Variants in ZSCAN25 observed in about 807,000 individuals in gnomAD.
The protein encoded by ZSCAN25 is zinc finger and SCAN domain containing 25, also known as zinc finger and SCAN domain-containing protein 25.
A neutral mutation model predicts 38.7 loss-of-function variants in ZSCAN25; 27 were observed. The observed-to-expected ratio is 0.70, with a 90% CI of 0.51 to 0.96. The LOEUF (loss-of-function observed/expected upper bound fraction) is 0.96. ZSCAN25 is among the 40% of genes least tolerant of loss of function. The pLI, the probability that ZSCAN25 is intolerant of heterozygous loss-of-function variation, is 0.00. For synonymous variants in ZSCAN25, 273 were observed against 277.7 expected, an observed-to-expected ratio of 0.98 and a Z score of 0.17; for missense variants, 637 against 705.9, an observed-to-expected ratio of 0.90 and a Z score of 1.11.
the ZSCAN25 span, among the ~76,000 whole-genome samples, chr7:99,699,687 A>G: frequency 4.3e-4 from 66 of 152,126 alleles, no homozygotes; most frequent in Non-Finnish European, 6.8e-4. Context: ...ATTGATTAGT[A>G]TAGGTCAAAT....
chr7:99,717,330 C>T, the ZSCAN25 span: 3 of 1,612,298 alleles, frequency 1.9e-6, no homozygotes, highest in African/African-American at 2.7e-5. Flanking sequence ...AAGGACATGA[C>T]TTTGCCTGGC....
chr7:99,688,903 G>C, the ZSCAN25 span, among the ~76,000 whole-genome samples: 1 of 152,208 alleles, frequency 6.6e-6, no homozygotes, highest in Non-Finnish European at 1.5e-5. Flanking sequence ...TGAACAACCT[G>C]CTCTGGAATG....
At chr7:99,627,687 GCTGTATACGTATATCTCGTA>G (rs1400627778) in intron 7 of ZSCAN25, among the ~76,000 whole-genome samples, 2 of 150,414 alleles carry the variant, frequency 1.3e-5, no homozygotes, top group African/African-American at 4.9e-5. Flanking sequence ...TCATGTATAT[GCTGTATACGTATATCTCGTA>G]TATGCTGTAT....
At chr7:99,674,475 G>C in the ZSCAN25 span, 1 of 1,397,554 alleles carries the variant, frequency 7.2e-7, no homozygotes, top group Non-Finnish European at 1.0e-6. Context: ...CTATCCTGCA[G>C]TGGGGTAACC....
At chr7:99,624,002 A>G in intron 6 of ZSCAN25, 55 bp from the exon 7 acceptor site, 1 of 1,611,874 alleles carries the variant, frequency 6.2e-7, no homozygotes. Context: ...GACATGAGCC[A>G]CTGTCTCTGG....
At chr7:99,668,474 GT>G in the ZSCAN25 span, among the ~76,000 whole-genome samples, 2 of 152,040 alleles carry the variant, frequency 1.3e-5, no homozygotes, top group Non-Finnish European at 2.9e-5. Flanking sequence ...AACATTTTGA[GT>G]TTTTTTGCAA....
chr7:99,627,683 A>T (rs73408523), intron 7 of ZSCAN25, among the ~76,000 whole-genome samples: 2 of 151,536 alleles, frequency 1.3e-5, no homozygotes, highest in Non-Finnish European at 2.9e-5. Flanking sequence ...TATATCATGT[A>T]TATGCTGTAT....
chr7:99,657,414 G>C, the ZSCAN25 span, among the ~76,000 whole-genome samples: 1 of 152,214 alleles, frequency 6.6e-6, no homozygotes, highest in African/African-American at 2.4e-5. Context: ...TCTGAATCCT[G>C]AGTTCTAGTT....
the ZSCAN25 span, chr7:99,685,151 T>C: frequency 6.2e-7 from 1 of 1,604,674 alleles, no homozygotes; most frequent in Non-Finnish European, 8.5e-7. Context: ...CAGGTTCCAC[T>C]TACGGTCCCA....
the ZSCAN25 span, chr7:99,674,668 G>A: frequency 2.1e-5 from 25 of 1,187,708 alleles, no homozygotes; most frequent in South Asian, 2.7e-5. Context: ...AAACAGTTGC[G>A]TCCAATGAAA....
chr7:99,711,779 CAAAA>C, the ZSCAN25 span, among the ~76,000 whole-genome samples: 1 of 64,170 alleles, frequency 1.6e-5, no homozygotes, highest in African/African-American at 2.8e-5. Context: ...CAAAACAAAA[CAAAA>C]CAACAACAAC....
At chr7:99,650,022 T>C in the ZSCAN25 span, 2 of 1,597,022 alleles carry the variant, frequency 1.3e-6, no homozygotes, top group Admixed American at 1.7e-5. Flanking sequence ...AAAAAATATA[T>C]ACCCTTCAGT....
At chr7:99,690,434 A>T in the ZSCAN25 span, among the ~76,000 whole-genome samples, 1 of 152,338 alleles carries the variant, frequency 6.6e-6, no homozygotes, top group Non-Finnish European at 1.5e-5. Flanking sequence ...ACAAAAGCCA[A>T]AATTGACAAA....
chr7:99,622,838 T>C (rs1448549057), intron 6 of ZSCAN25, among the ~76,000 whole-genome samples, 198 bp downstream of exon 6: 1 of 152,194 alleles, frequency 6.6e-6, no homozygotes, highest in Non-Finnish European at 1.5e-5. Context: ...TCGAACCTTA[T>C]GTCTGTCGCC....
At chr7:99,644,243 C>T in the ZSCAN25 span, among the ~76,000 whole-genome samples, 150 of 152,156 alleles carry the variant, frequency 9.9e-4, no homozygotes, top group Middle Eastern at 0.01. Context: ...ATCTTTTATA[C>T]AACTTAAGAA....
the ZSCAN25 span, among the ~76,000 whole-genome samples, chr7:99,724,271 G>A: frequency 9.2e-5 from 14 of 152,210 alleles, no homozygotes; most frequent in South Asian, 2.1e-3. Flanking sequence ...CTGCAATACC[G>A]CTTGGCCTCA....
the ZSCAN25 span, among the ~76,000 whole-genome samples, chr7:99,680,305 A>C: frequency 6.6e-6 from 1 of 151,992 alleles, no homozygotes; most frequent in East Asian, 1.9e-4. Flanking sequence ...ATCTTTACCC[A>C]CGAAATTCCC....
At chr7:99,642,515 A>G in the ZSCAN25 span, among the ~76,000 whole-genome samples, 1 of 152,328 alleles carries the variant, frequency 6.6e-6, no homozygotes, top group East Asian at 1.9e-4. Flanking sequence ...GAGAGACCCT[A>G]CAGGGAAACT....
In ZSCAN25 at chr7:99,618,600, T is replaced by A. The variant is rs1321245928; in HGVS notation, c.-183T>A. 2 of 152,186 alleles carry A rather than the reference T, an allele frequency of 1.3e-5. No homozygotes were observed. Among genetic ancestry groups the A allele is most frequent in the Admixed American group, 1.3e-4 (2 of 15,270 alleles). The allele number at this position is 152,186 out of a possible 1,614,324, so 9.4% of individuals were successfully genotyped here. A position where few individuals can be genotyped will look rare whatever the true frequency, so the allele number is the denominator to read the frequency against. ...CTCCAAAATACGTCTTGATTTTGTC[T>A]GACTCTTTGCCACCACCCTGATCTA... On this transcript the variant is annotated 5_prime_UTR_variant, in exon 2 of 8. Transcript: ENST00000394152.
Sources: gnomAD v4.1 joint callset for allele counts (sites outside exome capture counted in the v4.1 genomes callset) on GRCh38, gnomAD v4.1.1 for gene constraint, MANE v1.5 for transcripts, NCBI Gene and HGNC (gene_info 2026-07-23, HGNC 2026-07-21) for gene names.